ANKHD1: variants seen among roughly 807,000 people sequenced by gnomAD.
ANKHD1 encodes ankyrin repeat and KH domain-containing protein 1.
ANKHD1 carries 31 observed loss-of-function variants against 230.5 expected under a neutral mutation model. That is an observed-to-expected ratio of 0.13 (90% CI 0.10 to 0.18). The LOEUF is 0.18. ANKHD1 is among the 10% of genes least tolerant of loss of function. The pLI is 1.00. For missense variants in ANKHD1, 2,256 were observed against 3,071.3 expected (o/e 0.73, Z 6.27); for synonymous variants, 1,074 against 1,117.6 (o/e 0.96, Z 0.78).
At chr5:140,417,369 T>C (rs115383654) in intron 1 of ANKHD1, among the ~76,000 whole-genome samples, 3,033 of 151,514 alleles carry the variant, frequency 0.02, 106 homozygotes, top group African/African-American at 0.069. Flanking sequence ...TACATTCTCT[T>C]TTTTTTTGGT....
intron 24 of ANKHD1, among the ~76,000 whole-genome samples, chr5:140,523,008 T>TA (rs1001663421): frequency 1.1e-4 from 16 of 152,204 alleles, no homozygotes; most frequent in East Asian, 3.9e-4. Context: ...TTTCTGTTTT[T>TA]AAAAAATAGC....
chr5:140,402,266 T>C lies in ANKHD1; in HGVS notation c.299T>C (p.Val100Ala). The C allele has an allele frequency of 6.7e-7, 1 of 1,491,264 alleles. No homozygotes were observed. Among genetic ancestry groups the C allele is most frequent in the East Asian group, 2.8e-5 (1 of 36,174 alleles). The allele number at this position is 1,491,264 out of a possible 1,614,324, so 92.4% of individuals were successfully genotyped here. ...GCCTCTGGCAGTGACGAGGACGAAG[T>C]GTCCGAGGTAAGGCTCCGGGACCCT... ...GGASGSDEDE[V>A]SEVESFILDQ... Residue 100 changes from valine to alanine, a missense_variant, in exon 1 of 34, where the codon GTG (valine) becomes GCG (alanine). Val to Ala is a moderately conservative substitution (Grantham distance 64). Coordinates refer to ENST00000360839, the MANE Select transcript of ANKHD1 (RefSeq NM_017747.3).
At chr5:140,534,722 C>T (rs1753996686) in intron 29 of ANKHD1, among the ~76,000 whole-genome samples, 1 of 152,082 alleles carries the variant, frequency 6.6e-6, no homozygotes, top group South Asian at 2.1e-4. Flanking sequence ...TTTTCCAGAC[C>T]TTCATCCTCT....
intron 9 of ANKHD1, among the ~76,000 whole-genome samples, chr5:140,463,129 A>T (rs1775839732): frequency 6.6e-6 from 1 of 152,120 alleles, no homozygotes; most frequent in African/African-American, 2.4e-5. Flanking sequence ...GATTACAGGC[A>T]TGAGCCACTG....
intron 15 of ANKHD1, among the ~76,000 whole-genome samples, chr5:140,503,557 T>C (rs905120519): frequency 7.4e-5 from 5 of 67,788 alleles, no homozygotes; most frequent in African/African-American, 2.5e-4. Context: ...TTCTTTCTTT[T>C]TTTTTTTTTT....
chr5:140,518,221 T>C lies in ANKHD1; in HGVS notation c.4317+4742T>C, dbSNP rs1425563905. Among the ~76,000 whole-genome samples the C allele has an allele frequency of 3.3e-5, 5 of 151,892 alleles. No individual in the cohort carries two copies. In the East Asian group the frequency reaches 9.6e-4, roughly 29 times the overall value. On this transcript the variant is annotated intron_variant, in intron 24 of 33. Transcript: ENST00000360839. ...GATAAATTCCTCGACACATACACTC[T>C]CCCAAGACTAAACCAGGAAGAAGTT...
intron 14 of ANKHD1, among the ~76,000 whole-genome samples, chr5:140,487,572 T>C (rs140567166): frequency 9.5e-4 from 144 of 152,306 alleles, no homozygotes; most frequent in Non-Finnish European, 1.4e-3. Flanking sequence ...ATAAAATGTG[T>C]ACAAGTAATA....
At chr5:140,415,384 GAA>G (rs1423433493) in intron 1 of ANKHD1, among the ~76,000 whole-genome samples, 1 of 121,864 alleles carries the variant, frequency 8.2e-6, no homozygotes, top group African/African-American at 3.0e-5. Flanking sequence ...TTCGTCTTAA[GAA>G]AAAAAAAAAG....
At chr5:140,425,481 A>G (rs1195615289) in intron 1 of ANKHD1, among the ~76,000 whole-genome samples, 1 of 151,990 alleles carries the variant, frequency 6.6e-6, no homozygotes, top group East Asian at 1.9e-4. Flanking sequence ...CTGGTTTCTA[A>G]CTACTGAGCT....
chr5:140,537,809 T>G, intron 31 of ANKHD1: 1 of 891,108 alleles, frequency 1.1e-6, no homozygotes, highest in Non-Finnish European at 1.6e-6. Flanking sequence ...AACAAAAGAT[T>G]CAAAGTGTGT....
In ANKHD1 at chr5:140,512,886, T is replaced by C. The variant is rs762360930; in HGVS notation, c.4163T>C (p.Ile1388Thr). ...VKEVNQFPSD[I>T]ECMRYIATIT... is the part of the protein sequence containing the mutation. ...GAAGTAAATCAGTTCCCTTCTGATA[T>C]AGAATGCATGAGATACATAGCAACA... Residue 1388 changes from isoleucine to threonine, a missense_variant, in exon 23 of 34, where the codon ATA (isoleucine) becomes ACA (threonine). Ile to Thr is a moderately conservative substitution (Grantham distance 89). This residue lies in a region of ANKHD1 where 195 missense variants were observed against 340.3 expected (regional missense o/e 0.57). Transcript: ENST00000360839. The C allele has an allele frequency of 2.3e-5, 37 of 1,602,942 alleles. No homozygotes were observed. The highest frequency in any genetic ancestry group is 3.1e-5 in the Non-Finnish European group (36 of 1,176,464).
chr5:140,448,742 G>A (rs568388782), intron 6 of ANKHD1, among the ~76,000 whole-genome samples: 1 of 152,052 alleles, frequency 6.6e-6, no homozygotes, highest in African/African-American at 2.4e-5. Context: ...TTTTCTTATT[G>A]ACTATCAAGG....
chr5:140,435,446 C>T (rs1773366617), intron 1 of ANKHD1, among the ~76,000 whole-genome samples: 1 of 150,924 alleles, frequency 6.6e-6, no homozygotes, highest in African/African-American at 2.4e-5. Context: ...GGCACGATCT[C>T]GGCTCACAGC....
At chr5:140,476,948 A>G (rs1038863181) in intron 10 of ANKHD1, among the ~76,000 whole-genome samples, 2 of 152,172 alleles carry the variant, frequency 1.3e-5, no homozygotes, top group African/African-American at 4.8e-5. Context: ...AAGGTACTGA[A>G]TAAAGTTTTT....
chr5:140,525,707 A>G (rs1309648188), intron 25 of ANKHD1, among the ~76,000 whole-genome samples: 3 of 152,130 alleles, frequency 2.0e-5, no homozygotes, highest in African/African-American at 7.2e-5. Context: ...GTCTCTACTA[A>G]AAGTACAAAA....
intron 5 of ANKHD1, 98 bp from the exon 6 acceptor site, chr5:140,445,644 C>G: frequency 8.9e-7 from 1 of 1,129,098 alleles, no homozygotes; most frequent in South Asian, 3.1e-5. Flanking sequence ...TGTATCTGTT[C>G]TGTCATGATT....
At chr5:140,408,235 A>G (rs1770639129) in intron 1 of ANKHD1, among the ~76,000 whole-genome samples, 1 of 152,204 alleles carries the variant, frequency 6.6e-6, no homozygotes, top group Non-Finnish European at 1.5e-5. Context: ...AAACTCAACA[A>G]TATAGATAGT....
At position 140,486,960 on chromosome 5, in the gene ANKHD1, G is replaced by A. The variant is rs1468175561; in HGVS notation, c.2145G>A (p.Val715=). The stretch of plus-strand genomic sequence containing the variant: ...TTTTTTCTGAGTTGACTTTTTAGGT[G>A]CCACGTGTGCCAACGCATACACTTG... ...LPPPSQDQSQ[V]PRVPTHTLAM... is the part of the protein sequence containing the mutation. The change falls in exon 14 of 34, where the codon GTG becomes GTA. Residue 715 remains valine (V), a splice_region_variant and synonymous_variant. Transcript: ENST00000360839. 5.6e-6 allele frequency: 9 copies of A among 1,608,564 alleles called. No individual in the cohort carries two copies. The East Asian group carries it at 1.8e-4, about 32-fold the overall frequency.
At chr5:140,471,097 G>T (rs1248506051) in intron 10 of ANKHD1, among the ~76,000 whole-genome samples, 1 of 152,090 alleles carries the variant, frequency 6.6e-6, no homozygotes, top group Non-Finnish European at 1.5e-5. Flanking sequence ...AATGCTCCAT[G>T]AGCATTTCTT....
Sources: allele counts gnomAD v4.1 joint callset (sites outside exome capture counted in the v4.1 genomes callset), GRCh38; gene constraint gnomAD v4.1.1; regional missense constraint gnomAD v4.1.1; transcripts MANE v1.5; gene names NCBI Gene and HGNC (gene_info 2026-07-23, HGNC 2026-07-21).